The following LIPT2 variants were observed in gnomAD, a reference collection of about 807,000 sequenced individuals.
LIPT2 encodes the protein lipoyl(octanoyl) transferase 2, also known as octanoyl-[acyl-carrier-protein]:protein N-octanoyltransferase LIPT2, mitochondrial.
In LIPT2, 16 loss-of-function variants were observed where a neutral mutation model predicts 16.2. The observed-to-expected ratio is 0.99, with a 90% CI of 0.67 to 1.50. The LOEUF (loss-of-function observed/expected upper bound fraction) is 1.50. Ranked by LOEUF, LIPT2 falls within the 40% of genes most tolerant of loss-of-function variation. LIPT2 has a pLI of 0.00. For synonymous variants in LIPT2, 199 were observed against 169.3 expected (o/e 1.18, Z -1.36); for missense variants, 424 against 347.7 (o/e 1.22, Z -1.75).
Position 74,493,294 on chromosome 11 carries a change from G to A in LIPT2, c.410C>T (p.Ala137Val). ...CELQGLQDAR[A>V]RPPPYTGVWL... is the part of the protein sequence containing the mutation. Reference sequence around the variant, plus strand: ...GACGCCAGTGTAGGGCGGGGGCCGCGCGCGGGCGTCCTGCAGGCCCTGGAG... The same window carrying A: ...GACGCCAGTGTAGGGCGGGGGCCGCACGCGGGCGTCCTGCAGGCCCTGGAG... Residue 137 changes from alanine to valine, a missense_variant, in exon 1 of 2, where the codon GCG becomes GTG. Physicochemically the swap from Ala to Val is moderately conservative, Grantham distance 64. Coordinates refer to ENST00000310109, the MANE Select transcript of LIPT2 (RefSeq NM_001144869.3). 7.0e-7 allele frequency: 1 copy of A among 1,420,416 alleles called. No individual in the cohort carries two copies. Among genetic ancestry groups the A allele is most frequent in the Non-Finnish European group, 9.2e-7 (1 of 1,089,466 alleles). 88.0% of individuals were successfully genotyped at this position (1,420,416 alleles called of 1,614,324 possible).
rs1165335204 is a variant in LIPT2, at chr11:74,493,481, C to G, written c.223G>C (p.Ala75Pro). The G allele has an allele frequency of 2.7e-6, 4 of 1,460,476 alleles. No individual in the cohort carries two copies. Among genetic ancestry groups the G allele is most frequent in the African/African-American group, 1.5e-5 (1 of 67,512 alleles). 90.5% of individuals were successfully genotyped at this position (1,460,476 alleles called of 1,614,324 possible). The change falls in exon 1 of 2, where the codon GCC (alanine) becomes CCC (proline). Residue 75 changes from alanine to proline, a missense_variant. By Grantham distance (27) the Ala-to-Pro change is conservative. Transcript: ENST00000310109. The stretch of plus-strand genomic sequence containing the variant: ...GTGACGCGCACCTCGGCGCCCAAGG[C>G]CCGTAGCCGCGCAGTTTCCTCGGGC... Reference protein sequence around the residue: ...LTPEETARLRALGAEVRVTGR... With the variant: ...LTPEETARLRPLGAEVRVTGR...
chr11:74,493,161 A>C, intron 1 of LIPT2, 77 bp downstream of exon 1: 1 of 1,120,302 alleles, frequency 8.9e-7, no homozygotes, highest in Non-Finnish European at 1.2e-6. Flanking sequence ...CCGTTGGTCC[A>C]GCCCCGTCAG....
rs1864324657 is a variant in LIPT2 at position 74,491,012 on chromosome 11, C to A, written c.*1123G>T. 6.6e-6 allele frequency among the ~76,000 whole-genome samples: 1 copy of A among 152,220 alleles called. No individual in the cohort carries two copies. Among genetic ancestry groups the A allele is most frequent in the African/African-American group, 2.4e-5 (1 of 41,458 alleles). On this transcript the variant is annotated 3_prime_UTR_variant, in exon 2 of 2. Coordinates refer to ENST00000310109, the MANE Select transcript of LIPT2 (RefSeq NM_001144869.3). The stretch of plus-strand genomic sequence containing the variant: ...GCAGTCCCTTCCACACTGAACAGGG[C>A]TCATCTGTTAGAAGACTACAGAAAT...
At position 74,493,411 on chromosome 11, in the gene LIPT2, A is replaced by G; in HGVS notation, c.293T>C (p.Leu98Pro). ...LATFHGPGQL[L>P]CHPVLDLRRL... The stretch of plus-strand genomic sequence containing the variant: ...CCGCAGGTCGAGTACCGGGTGGCAA[A>G]GCAGCTGGCCCGGGCCGTGGAAGGT... The change falls in exon 1 of 2, where the codon CTT (leucine) becomes CCT (proline). Residue 98 changes from leucine (L) to proline (P), a missense_variant. By Grantham distance (98) the Leu-to-Pro change is moderately conservative. Transcript: ENST00000310109. The G allele has an allele frequency of 6.6e-7, 1 of 1,516,182 alleles. No homozygotes were observed. Among genetic ancestry groups the G allele is most frequent in the Non-Finnish European group, 8.8e-7 (1 of 1,139,244 alleles). The allele number at this position is 1,516,182 out of a possible 1,614,324, so 93.9% of individuals were successfully genotyped here. A position where few individuals can be genotyped will look rare whatever the true frequency, so the allele number is the denominator to read the frequency against.
Position 74,491,701 on chromosome 11 carries a change from T to C in LIPT2, c.*434A>G, listed in dbSNP as rs911752466. ...GAGAATGAAAAAGCACTACATCACA[T>C]CACCTTCACCTGGGCCATTCAGAGA... On this transcript the variant is annotated 3_prime_UTR_variant, in exon 2 of 2. Transcript: ENST00000310109. 1.9e-5 allele frequency: 3 copies of C among 161,334 alleles called. No individual in the cohort carries two copies. Among genetic ancestry groups the C allele is most frequent in the Non-Finnish European group, 2.7e-5 (2 of 73,056 alleles). The allele number at this position is 161,334 out of a possible 1,614,324, so 10.0% of individuals were successfully genotyped here.
intron 1 of LIPT2, among the ~76,000 whole-genome samples, chr11:74,492,633 C>T (rs1864367882): frequency 6.6e-6 from 1 of 151,996 alleles, no homozygotes; most frequent in Non-Finnish European, 1.5e-5. Context: ...GGGACAGGCG[C>T]AGTGGCTCAC....
chr11:74,493,661 G>A lies in LIPT2; in HGVS notation c.43C>T (p.Pro15Ser), dbSNP rs901197909. 8.4e-6 allele frequency: 12 copies of A among 1,434,518 alleles called. No homozygotes were observed. The highest frequency in any genetic ancestry group is 1.1e-5 in the Non-Finnish European group (12 of 1,099,782). The allele number at this position is 1,434,518 out of a possible 1,614,324, so 88.9% of individuals were successfully genotyped here. A position where few individuals can be genotyped will look rare whatever the true frequency, so the allele number is the denominator to read the frequency against. Residue 15 changes from proline to serine, a missense_variant, in exon 1 of 2, where the codon CCG (proline) becomes TCG (serine). Transcript: ENST00000310109. The part of the protein sequence containing the change: ...AVRLVRLGRV[P>S]YAELLGLQDR... ...TGCAGCCCCAGTAGCTCGGCGTACG[G>A]CACCCGACCCAGGCGCACCAACCGA...
intron 1 of LIPT2, among the ~76,000 whole-genome samples, chr11:74,492,672 G>C (rs1864369319): frequency 6.6e-6 from 1 of 151,776 alleles, no homozygotes; most frequent in Non-Finnish European, 1.5e-5. Context: ...TTGGGAGGCC[G>C]AGGCGGGCGG....
At position 74,490,835 on chromosome 11, in the gene LIPT2, T is replaced by G. The variant is rs1864321714; in HGVS notation, c.*1300A>C. On this transcript the variant is annotated 3_prime_UTR_variant, in exon 2 of 2. Transcript: ENST00000310109. The stretch of plus-strand genomic sequence containing the variant: ...GAACAGCACTGGTTTAAGGAGAAAC[T>G]GAAGACCAGAGAGTAAATGACTTTT... Among the ~76,000 whole-genome samples the G allele has an allele frequency of 6.6e-6, 1 of 152,254 alleles. No homozygotes were observed. The highest frequency in any genetic ancestry group is 2.4e-5 in the African/African-American group (1 of 41,474).
rs1256848798 is a variant in LIPT2, at chr11:74,490,919, T to G, written c.*1216A>C. 1.3e-5 allele frequency among the ~76,000 whole-genome samples: 2 copies of G among 152,184 alleles called. No homozygotes were observed. Among genetic ancestry groups the G allele is most frequent in the Non-Finnish European group, 2.9e-5 (2 of 68,030 alleles). ...ACTTCTCATTCGAGGCTCTTTCCACTCTTAATAGGCTGTGGTGGCCATTCT... is the reference window on the plus strand; with the variant it reads ...ACTTCTCATTCGAGGCTCTTTCCACGCTTAATAGGCTGTGGTGGCCATTCT... On this transcript the variant is annotated 3_prime_UTR_variant, in exon 2 of 2. Coordinates refer to ENST00000310109, the MANE Select transcript of LIPT2 (RefSeq NM_001144869.3).
chr11:74,493,255 C>T lies in LIPT2; in HGVS notation c.449G>A (p.Arg150His). 3 of 1,354,132 alleles carry T rather than the reference C, an allele frequency of 2.2e-6. No individual in the cohort carries two copies. Among genetic ancestry groups the T allele is most frequent in the South Asian group, 3.5e-5 (2 of 57,356 alleles). The allele number at this position is 1,354,132 out of a possible 1,614,324, so 83.9% of individuals were successfully genotyped here. Residue 150 changes from arginine (R) to histidine (H), a missense_variant, in exon 1 of 2, where the codon CGC becomes CAC. Transcript: ENST00000310109. Reference protein sequence around the residue: ...PPYTGVWLDDRKICAIGVRCG... With the variant: ...PPYTGVWLDDHKICAIGVRCG... The stretch of plus-strand genomic sequence containing the variant: ...GCGCTCACCGATCGCGCAGATCTTG[C>T]GATCGTCTAGCCAGACGCCAGTGTA...
Position 74,492,045 on chromosome 11 carries a change from G to A in LIPT2, c.*90C>T. On this transcript the variant is annotated 3_prime_UTR_variant, in exon 2 of 2. Transcript: ENST00000310109. ...TAGTTTCATGATCAGTGAATGACAG[G>A]CCAGGTCTAAAATCTGGGTTTCAGT... 2 of 885,250 alleles carry A rather than the reference G, an allele frequency of 2.3e-6. No homozygotes were observed. Among genetic ancestry groups the A allele is most frequent in the Non-Finnish European group, 1.8e-6 (1 of 551,712 alleles). 54.8% of individuals were successfully genotyped at this position (885,250 alleles called of 1,614,324 possible).
Position 74,492,020 on chromosome 11 carries a change from T to C in LIPT2, c.*115A>G. 6 of 710,756 alleles carry C rather than the reference T, an allele frequency of 8.4e-6. No homozygotes were observed. Among genetic ancestry groups the C allele is most frequent in the Non-Finnish European group, 1.5e-5 (6 of 404,872 alleles). 44.0% of individuals were successfully genotyped at this position (710,756 alleles called of 1,614,324 possible). A position where few individuals can be genotyped will look rare whatever the true frequency, so the allele number is the denominator to read the frequency against. ...TGGCTCAGAGCTCATGGTATGTCCT[T>C]AGTTTCATGATCAGTGAATGACAGG... On this transcript the variant is annotated 3_prime_UTR_variant, in exon 2 of 2. Coordinates refer to ENST00000310109, the MANE Select transcript of LIPT2 (RefSeq NM_001144869.3).
chr11:74,493,606 T>C lies in LIPT2; in HGVS notation c.98A>G (p.Glu33Gly), dbSNP rs1281787428. 1.4e-6 allele frequency: 2 copies of C among 1,456,424 alleles called. No individual in the cohort carries two copies. The highest frequency in any genetic ancestry group is 1.8e-6 in the Non-Finnish European group (2 of 1,109,844). The allele number at this position is 1,456,424 out of a possible 1,614,324, so 90.2% of individuals were successfully genotyped here. A position where few individuals can be genotyped will look rare whatever the true frequency, so the allele number is the denominator to read the frequency against. Residue 33 changes from glutamate (E) to glycine (G), a missense_variant, in exon 1 of 2, where the codon GAG (glutamate) becomes GGG (glycine). Glu to Gly is a moderately conservative substitution (Grantham distance 98, BLOSUM62 -2). Transcript: ENST00000310109. ...CCCCGACGGGGCCTCAATGCCTGGC[T>C]CGGCCTGCAGCCGCCGCAGCCAGCG... ...QDRWLRRLQA[E>G]PGIEAPSGTE...
Position 74,490,639 on chromosome 11 carries a change from T to C in LIPT2, c.*1496A>G, listed in dbSNP as rs781175049. ...ACTTTGTGAGGCTGAGGCAGAAGGA[T>C]CCCTTGAGCCCAGGAGTCTGAGACC... On this transcript the variant is annotated 3_prime_UTR_variant, in exon 2 of 2. Transcript: ENST00000310109. Among the ~76,000 whole-genome samples the C allele has an allele frequency of 6.6e-6, 1 of 152,002 alleles. No individual in the cohort carries two copies. The highest frequency in any genetic ancestry group is 1.5e-5 in the Non-Finnish European group (1 of 68,016).
In LIPT2 at chr11:74,491,864, C is replaced by CT. The variant is rs1864342454; in HGVS notation, c.*270dup. 2 of 413,066 alleles carry CT rather than the reference C, an allele frequency of 4.8e-6. No individual in the cohort carries two copies. Among genetic ancestry groups the CT allele is most frequent in the Non-Finnish European group, 9.0e-6 (2 of 222,748 alleles). 25.6% of individuals were successfully genotyped at this position (413,066 alleles called of 1,614,324 possible). On this transcript the variant is annotated 3_prime_UTR_variant, in exon 2 of 2. Coordinates refer to ENST00000310109, the MANE Select transcript of LIPT2 (RefSeq NM_001144869.3). ...AACAATCTATGACATCTGAATTTCT[C>CT]TGAGACACTGCTGTCAATAGCAGTG...
At position 74,493,612 on chromosome 11, in the gene LIPT2, T is replaced by A; in HGVS notation, c.92A>T (p.Gln31Leu). ...GLQDRWLRRL[Q>L]AEPGIEAPSG... Reference sequence around the variant, plus strand: ...CGGGGCCTCAATGCCTGGCTCGGCCTGCAGCCGCCGCAGCCAGCGGTCCTG... The same window carrying A: ...CGGGGCCTCAATGCCTGGCTCGGCCAGCAGCCGCCGCAGCCAGCGGTCCTG... Residue 31 changes from glutamine to leucine, a missense_variant, in exon 1 of 2, where the codon CAG becomes CTG. Transcript: ENST00000310109. The A allele has an allele frequency of 6.9e-7, 1 of 1,457,054 alleles. No homozygotes were observed. Among genetic ancestry groups the A allele is most frequent in the Non-Finnish European group, 9.0e-7 (1 of 1,110,354 alleles). The allele number at this position is 1,457,054 out of a possible 1,614,324, so 90.3% of individuals were successfully genotyped here.
In LIPT2 at chr11:74,492,318, G is replaced by A. The variant is rs762137781; in HGVS notation, c.513C>T (p.Asn171=). 5.2e-6 allele frequency: 8 copies of A among 1,551,818 alleles called. No homozygotes were observed. Among genetic ancestry groups the A allele is most frequent in the Non-Finnish European group, 7.0e-6 (8 of 1,146,986 alleles). ...CAAACCACGTGAGGTCGGTAGAGCAGTTGAGAGCCAGGCCGTGGGATGTGA... is the reference window on the plus strand; with the variant it reads ...CAAACCACGTGAGGTCGGTAGAGCAATTGAGAGCCAGGCCGTGGGATGTGA... The part of the protein sequence containing the change: ...RHITSHGLAL[N]CSTDLTWFEH... Residue 171 remains asparagine (N), a synonymous_variant, in exon 2 of 2, where the codon AAC becomes AAT. Transcript: ENST00000310109.
rs1319253919 is a variant in LIPT2, at chr11:74,493,423, G to C, written c.281C>G (p.Pro94Arg). 4 of 1,508,710 alleles carry C rather than the reference G, an allele frequency of 2.7e-6. No homozygotes were observed. Among genetic ancestry groups the C allele is most frequent in the Non-Finnish European group, 3.5e-6 (4 of 1,135,722 alleles). The allele number at this position is 1,508,710 out of a possible 1,614,324, so 93.5% of individuals were successfully genotyped here. Residue 94 changes from proline to arginine, a missense_variant, in exon 1 of 2, where the codon CCG becomes CGG. Coordinates refer to ENST00000310109, the MANE Select transcript of LIPT2 (RefSeq NM_001144869.3). Reference sequence around the variant, plus strand: ...TACCGGGTGGCAAAGCAGCTGGCCCGGGCCGTGGAAGGTGGCCAGGCCACC... The same window carrying C: ...TACCGGGTGGCAAAGCAGCTGGCCCCGGCCGTGGAAGGTGGCCAGGCCACC... ...GRGGLATFHG[P>R]GQLLCHPVLD...
Sources: gnomAD v4.1 joint callset for allele counts (sites outside exome capture counted in the v4.1 genomes callset) on GRCh38, gnomAD v4.1.1 for gene constraint, MANE v1.5 for transcripts, NCBI Gene and HGNC (gene_info 2026-07-23, HGNC 2026-07-21) for gene names.